SHC2: variants seen among roughly 807,000 people sequenced by gnomAD.
SHC2 encodes the protein SHC adaptor protein 2.
In SHC2, 62 loss-of-function variants were observed where a neutral mutation model predicts 60.6. That is an observed-to-expected ratio of 1.02 (90% CI 0.83 to 1.26). The LOEUF is 1.26. Among genes scored for constraint, SHC2 ranks in the 50% most tolerant of loss-of-function variants. The pLI, the probability that SHC2 is intolerant of heterozygous loss-of-function variation, is 0.00. For missense variants in SHC2, 873 were observed against 822.2 expected, an observed-to-expected ratio of 1.06 and a Z score of -0.76; for synonymous variants, 375 against 372.4, an observed-to-expected ratio of 1.01 and a Z score of -0.08.
intron 1 of SHC2, among the ~76,000 whole-genome samples, 167 bp downstream of exon 1, chr19:460,362 G>T (rs1280826710): frequency 3.3e-5 from 5 of 151,952 alleles, no homozygotes; most frequent in Non-Finnish European, 7.4e-5. Flanking sequence ...GCCTCCGGGT[G>T]GGGGCAGCCG....
At chr19:429,237 C>T (rs935358226) in intron 9 of SHC2, among the ~76,000 whole-genome samples, 1 of 144,550 alleles carries the variant, frequency 6.9e-6, no homozygotes. Flanking sequence ...GTGTGGATGA[C>T]ACAGTACCTA....
At chr19:426,072 C>G (rs1243650059) in intron 9 of SHC2, among the ~76,000 whole-genome samples, 1 of 151,230 alleles carries the variant, frequency 6.6e-6, no homozygotes, top group Non-Finnish European at 1.5e-5. Flanking sequence ...CAAACCGGAA[C>G]AGCATCGCAG....
In SHC2 at chr19:440,025, C is replaced by CAA. The variant is rs60912837; in HGVS notation, c.539+835_539+836dup. Among the ~76,000 whole-genome samples the CAA allele has an allele frequency of 0.12, 8,037 of 66,244 alleles. 835 individuals are homozygous for CAA. Among genetic ancestry groups the CAA allele is most frequent in the African/African-American group, 0.28 (5,382 of 19,322 alleles). 43.5% of individuals were successfully genotyped at this position (66,244 alleles called of 152,430 possible). A position where few individuals can be genotyped will look rare whatever the true frequency, so the allele number is the denominator to read the frequency against. ...TGGGCAACAGAGTGAGACTCCATCT[C>CAA]AAAAAAAAAAAAAAAAAAGGAGCAA... On this transcript the variant is annotated intron_variant, in intron 2 of 12. Coordinates refer to ENST00000264554, the MANE Select transcript of SHC2 (RefSeq NM_012435.3). The surrounding 1 kb of genome is among the most constrained non-coding windows in gnomAD (Gnocchi z 7.0).
In SHC2 at chr19:460,881, G is replaced by A. The variant is rs1161502888; in HGVS notation, c.116C>T (p.Ala39Val). 4.0e-6 allele frequency: 4 copies of A among 990,256 alleles called. No individual in the cohort carries two copies. The highest frequency in any genetic ancestry group is 4.8e-6 in the Non-Finnish European group (4 of 834,574). The allele number at this position is 990,256 out of a possible 1,614,324, so 61.3% of individuals were successfully genotyped here. ...GCCGCGGCCCAGGAAGCCGCCCGGG[G>A]CCGCGAACTTCCACTGCGGCATTCG... The part of the protein sequence containing the change: ...LPRMPQWKFA[A>V]PGGFLGRGPA... The change falls in exon 1 of 13, where the codon GCC (alanine) becomes GTC (valine). Residue 39 changes from alanine (A) to valine (V), a missense_variant. By Grantham distance (64) the Ala-to-Val change is moderately conservative. Coordinates refer to ENST00000264554, the MANE Select transcript of SHC2 (RefSeq NM_012435.3).
intron 11 of SHC2, among the ~76,000 whole-genome samples, chr19:420,602 A>T (rs1021828819): frequency 4.6e-5 from 7 of 152,260 alleles, no homozygotes; most frequent in African/African-American, 1.7e-4. Flanking sequence ...GAGCAACTGT[A>T]AGATGCGCCA....
intron 1 of SHC2, among the ~76,000 whole-genome samples, chr19:455,488 C>G (rs549868399): frequency 4.6e-5 from 7 of 152,262 alleles, no homozygotes; most frequent in Admixed American, 4.6e-4. Context: ...ATGCTGCCCA[C>G]GGCGCTCGGA....
chr19:439,899 G>A lies in SHC2; in HGVS notation c.540-869C>T, dbSNP rs1001087838. ...AAACTAGCTGGGTGTGGTGGTGGGC[G>A]CCTGTAGTCCCAGCTACTGGGGAGG... On this transcript the variant is annotated intron_variant, in intron 2 of 12. Transcript: ENST00000264554. 9.9e-5 allele frequency among the ~76,000 whole-genome samples: 15 copies of A among 151,972 alleles called. No individual in the cohort carries two copies. The East Asian group carries it at 1.7e-3, about 18-fold the overall frequency.
chr19:449,993 G>A (rs1459901137), intron 1 of SHC2, among the ~76,000 whole-genome samples: 1 of 152,164 alleles, frequency 6.6e-6, no homozygotes, highest in Non-Finnish European at 1.5e-5. Context: ...CCTGCGCCAC[G>A]CTGACCAGTG....
chr19:454,514 C>T (rs1372607165), intron 1 of SHC2, among the ~76,000 whole-genome samples: 2 of 152,158 alleles, frequency 1.3e-5, no homozygotes, highest in African/African-American at 2.4e-5. Flanking sequence ...GGGCCGGACG[C>T]GACGGCGCAC....
chr19:421,353 T>C (rs1249401718), intron 11 of SHC2, among the ~76,000 whole-genome samples: 2 of 147,148 alleles, frequency 1.4e-5, no homozygotes, highest in South Asian at 2.1e-4. Context: ...TGAGCCGAGA[T>C]TGCGCCATTG....
At chr19:431,293 C>A (rs1373420035) in intron 8 of SHC2, among the ~76,000 whole-genome samples, 83 of 151,310 alleles carry the variant, frequency 5.5e-4, no homozygotes, top group Admixed American at 1.1e-3. Flanking sequence ...TGAGTGAGAT[C>A]GTGAGTGAGA....
intron 11 of SHC2, 131 bp from the exon 12 acceptor site, chr19:419,187 T>G (rs1788349200): frequency 2.9e-6 from 3 of 1,032,342 alleles, no homozygotes; most frequent in Non-Finnish European, 4.0e-6. Flanking sequence ...GACCAGGGAA[T>G]TCCGGGACAC....
chr19:437,359 CTTGT>C (rs933386803), intron 4 of SHC2, among the ~76,000 whole-genome samples: 1 of 152,052 alleles, frequency 6.6e-6, no homozygotes, highest in Admixed American at 6.5e-5. Flanking sequence ...CATCTGTGTG[CTTGT>C]TTGTGTGCTC....
At chr19:418,724 T>TG (rs1974205970) in intron 12 of SHC2, among the ~76,000 whole-genome samples, 199 bp downstream of exon 12, 1 of 139,516 alleles carries the variant, frequency 7.2e-6, no homozygotes, top group African/African-American at 3.3e-5. Context: ...TGACGGCTGG[T>TG]GGGGACAGGG....
At chr19:458,594 C>T (rs367687676) in intron 1 of SHC2, among the ~76,000 whole-genome samples, 4 of 22,594 alleles carry the variant, frequency 1.8e-4, no homozygotes, top group South Asian at 1.3e-3. Context: ...TTCCGGGGGA[C>T]GGGGAAGTGG....
At chr19:423,636 C>G (rs1974336471) in intron 10 of SHC2, among the ~76,000 whole-genome samples, 1 of 147,238 alleles carries the variant, frequency 6.8e-6, no homozygotes, top group Non-Finnish European at 1.5e-5. Flanking sequence ...CCCTCGCTCC[C>G]TGGTCTCCCG....
chr19:440,939 G>A lies in SHC2; in HGVS notation c.469-7C>T, dbSNP rs374066928. 13 of 1,611,384 alleles carry A rather than the reference G, an allele frequency of 8.1e-6. No homozygotes were observed. The highest frequency in any genetic ancestry group is 1.0e-5 in the Non-Finnish European group (12 of 1,178,628). Reference sequence around the variant, plus strand: ...CCTCGATGCAGCCCATGTACTGAGGGGAGAGAACAGGTGTCAGATGCCATC... The same window carrying A: ...CCTCGATGCAGCCCATGTACTGAGGAGAGAGAACAGGTGTCAGATGCCATC... On this transcript the variant is annotated splice_polypyrimidine_tract_variant and splice_region_variant and intron_variant, in intron 1 of 12. Coordinates refer to ENST00000264554, the MANE Select transcript of SHC2 (RefSeq NM_012435.3). This position sits in a 1 kb window ranked among gnomAD's most constrained non-coding sequence, Gnocchi z 7.0.
At chr19:427,779 T>G (rs1228200874) in intron 9 of SHC2, among the ~76,000 whole-genome samples, 13 of 45,206 alleles carry the variant, frequency 2.9e-4, no homozygotes, top group Admixed American at 8.0e-4. Context: ...ACGGCACAGG[T>G]AAGGGGACAG....
chr19:458,025 C>G (rs1003112360), intron 1 of SHC2, among the ~76,000 whole-genome samples: 1 of 132,620 alleles, frequency 7.5e-6, no homozygotes, highest in Non-Finnish European at 1.7e-5. Context: ...CTTGGGGAGG[C>G]GGAAGTAGGT....
Sources: gnomAD v4.1 joint callset for allele counts (sites outside exome capture counted in the v4.1 genomes callset) on GRCh38, gnomAD v4.1.1 for gene constraint, Gnocchi (gnomAD v3.1) non-coding constraint, MANE v1.5 for transcripts, NCBI Gene and HGNC (gene_info 2026-07-23, HGNC 2026-07-21) for gene names.